Variants in SLC24A3 observed in about 807,000 individuals in gnomAD.
SLC24A3 encodes sodium/potassium/calcium exchanger 3.
Under a neutral mutation model 75.8 loss-of-function variants are expected in SLC24A3, and 28 were observed. The ratio of observed to expected loss-of-function variants is 0.37; its 90% CI spans 0.27 to 0.51. The LOEUF is 0.51. SLC24A3 is among the 20% of genes least tolerant of loss of function. SLC24A3 has a pLI of 0.94. For synonymous variants in SLC24A3, 372 were observed against 334.1 expected (o/e 1.11, Z -1.24); for missense variants, 663 against 847.8 (o/e 0.78, Z 2.71).
intron 1 of SLC24A3, among the ~76,000 whole-genome samples, chr20:19,261,318 G>A (rs1982978853): frequency 1.3e-5 from 2 of 152,078 alleles, no homozygotes; most frequent in South Asian, 2.1e-4. Context: ...TTTGTGGTGA[G>A]CATTCATTGT....
At chr20:19,678,031 C>A (rs1480590206) in intron 9 of SLC24A3, among the ~76,000 whole-genome samples, 2 of 151,520 alleles carry the variant, frequency 1.3e-5, no homozygotes, top group African/African-American at 4.9e-5. Flanking sequence ...GGGGTAAGGT[C>A]ACAGATCAAC....
intron 6 of SLC24A3, among the ~76,000 whole-genome samples, chr20:19,638,962 T>C (rs958324017): frequency 6.6e-6 from 1 of 152,100 alleles, no homozygotes; most frequent in Admixed American, 6.5e-5. Flanking sequence ...CAAGACTCAT[T>C]GCAAAGAGTG....
intron 1 of SLC24A3, among the ~76,000 whole-genome samples, chr20:19,265,093 A>T (rs1205082056): frequency 6.6e-6 from 1 of 152,144 alleles, no homozygotes; most frequent in Non-Finnish European, 1.5e-5. Flanking sequence ...CAAACACTAT[A>T]TTGCAACGTA....
intron 3 of SLC24A3, among the ~76,000 whole-genome samples, chr20:19,537,779 C>CA (rs1489224180): frequency 6.7e-6 from 1 of 149,104 alleles, no homozygotes; most frequent in African/African-American, 2.5e-5. Context: ...ATTGCAAGGA[C>CA]AAAAAACCAA....
intron 6 of SLC24A3, among the ~76,000 whole-genome samples, chr20:19,627,202 A>G (rs1343398477): frequency 1.3e-5 from 2 of 152,194 alleles, no homozygotes; most frequent in East Asian, 3.8e-4. Flanking sequence ...ATATGTGCCT[A>G]CCCTCAAGAT....
intron 2 of SLC24A3, among the ~76,000 whole-genome samples, chr20:19,495,470 G>A (rs1343887625): frequency 6.6e-6 from 1 of 152,138 alleles, no homozygotes; most frequent in Admixed American, 6.5e-5. Flanking sequence ...AGACATGAAC[G>A]CCTCGCTCTG....
chr20:19,408,760 G>T (rs1986696082), intron 2 of SLC24A3, among the ~76,000 whole-genome samples: 1 of 152,160 alleles, frequency 6.6e-6, no homozygotes, highest in South Asian at 2.1e-4. Context: ...GTCATTAGGA[G>T]AGATTCCTAG....
At chr20:19,666,144 A>G (rs909948163) in intron 8 of SLC24A3, among the ~76,000 whole-genome samples, 9 of 152,042 alleles carry the variant, frequency 5.9e-5, no homozygotes, top group African/African-American at 9.7e-5. Flanking sequence ...TTATTATCCT[A>G]TGTCTGGACA....
chr20:19,475,298 C>T (rs1987944487), intron 2 of SLC24A3, among the ~76,000 whole-genome samples: 1 of 151,380 alleles, frequency 6.6e-6, no homozygotes, highest in African/African-American at 2.4e-5. Context: ...GAGATCGCGC[C>T]ACTACACTCC....
At chr20:19,466,306 C>T (rs1987764868) in intron 2 of SLC24A3, among the ~76,000 whole-genome samples, 1 of 152,150 alleles carries the variant, frequency 6.6e-6, no homozygotes, top group African/African-American at 2.4e-5. Flanking sequence ...TGCTGCAGAC[C>T]TCTCCTGAGT....
chr20:19,287,429 C>T (rs886420556), intron 2 of SLC24A3, among the ~76,000 whole-genome samples: 2 of 152,224 alleles, frequency 1.3e-5, no homozygotes, highest in African/African-American at 2.4e-5. Flanking sequence ...GAAGAAGAAA[C>T]AGGTTTGGTG....
chr20:19,228,803 A>T (rs544403956), intron 1 of SLC24A3, among the ~76,000 whole-genome samples: 200 of 152,316 alleles, frequency 1.3e-3, no homozygotes, highest in African/African-American at 4.7e-3. Flanking sequence ...TTTTAATATG[A>T]TGCTGGATTT....
chr20:19,254,043 C>A (rs1982738382), intron 1 of SLC24A3, among the ~76,000 whole-genome samples: 1 of 152,168 alleles, frequency 6.6e-6, no homozygotes, highest in Non-Finnish European at 1.5e-5. Flanking sequence ...CCCATGTTGC[C>A]AGGTCTTCTG....
intron 2 of SLC24A3, among the ~76,000 whole-genome samples, chr20:19,291,213 G>A (rs1054362573): frequency 6.6e-6 from 1 of 152,204 alleles, no homozygotes; most frequent in Admixed American, 6.5e-5. Context: ...GGCCTGGGTG[G>A]ACTCTGGTGC....
intron 2 of SLC24A3, among the ~76,000 whole-genome samples, chr20:19,438,994 C>T (rs551949956): frequency 1.4e-4 from 22 of 152,336 alleles, no homozygotes; most frequent in African/African-American, 4.8e-4. Context: ...AGTGCATACC[C>T]GGGGGAAGAA....
At chr20:19,263,073 T>TG (rs1405808865) in intron 1 of SLC24A3, among the ~76,000 whole-genome samples, 2 of 110,820 alleles carry the variant, frequency 1.8e-5, no homozygotes, top group African/African-American at 6.6e-5. Context: ...GTGTGTGTGT[T>TG]TTCTGTTGAC....
At chr20:19,331,031 G>T (rs1436673500) in intron 2 of SLC24A3, among the ~76,000 whole-genome samples, 1 of 152,226 alleles carries the variant, frequency 6.6e-6, no homozygotes, top group Non-Finnish European at 1.5e-5. Flanking sequence ...GTGAAAGACA[G>T]GAAGGCTGAG....
chr20:19,242,208 A>G (rs1353519412), intron 1 of SLC24A3: 1 of 152,198 alleles, frequency 6.6e-6, no homozygotes, highest in Admixed American at 6.5e-5. Context: ...CTCCAAGAGG[A>G]AGATTAATTT....
At chr20:19,602,081 G>A (rs1349614574) in intron 6 of SLC24A3, among the ~76,000 whole-genome samples, 3 of 152,150 alleles carry the variant, frequency 2.0e-5, no homozygotes, top group African/African-American at 4.8e-5. Flanking sequence ...GGCTGAGGCA[G>A]GAGAATCGCT....
Sources: gnomAD v4.1 joint callset for allele counts (sites outside exome capture counted in the v4.1 genomes callset) on GRCh38, gnomAD v4.1.1 for gene constraint, MANE v1.5 for transcripts, NCBI Gene and HGNC (gene_info 2026-07-23, HGNC 2026-07-21) for gene names.